The following PPP2R3B variants were observed in gnomAD, a reference collection of about 807,000 sequenced individuals.
PPP2R3B encodes protein phosphatase 2 regulatory subunit B''beta.
PPP2R3B carries 68 observed loss-of-function variants against 72.9 expected under a neutral mutation model. The ratio of observed to expected loss-of-function variants is 0.93; its 90% CI spans 0.77 to 1.14. The LOEUF (loss-of-function observed/expected upper bound fraction) is 1.14, where lower values mean the gene tolerates loss of function less well. Ranked by LOEUF, PPP2R3B falls within the 50% of genes most tolerant of loss-of-function variation. The pLI is 0.00. For synonymous variants in PPP2R3B, 466 were observed against 375.8 expected (o/e 1.24, Z -2.78); for missense variants, 1,018 against 842.0 (o/e 1.21, Z -2.59).
chrX:341,915 C>CAT lies in PPP2R3B; in HGVS notation c.1051_1052dup (p.Met351IlefsTer2), dbSNP rs2071087856. 6.2e-7 allele frequency: 1 copy of CAT among 1,612,614 alleles called. No homozygotes were observed. ...CTGCTCCTGAGAAGATCCTGTCTAT[C>CAT]ATCTTGGTAGAAAGGGCTGGAAAGG... On this transcript the variant is annotated frameshift_variant, in exon 8 of 13. Transcript: ENST00000390665. LOFTEE classifies it high-confidence loss of function.
At chrX:378,320 C>G (rs1370992407) in intron 1 of PPP2R3B, among the ~76,000 whole-genome samples, 14 of 152,330 alleles carry the variant, frequency 9.2e-5, no homozygotes, top group Admixed American at 9.1e-4. Context: ...TCATAAAAAT[C>G]TCTTCACTTT....
At chrX:370,951 G>A (rs1388761000) in intron 1 of PPP2R3B, among the ~76,000 whole-genome samples, 4 of 152,138 alleles carry the variant, frequency 2.6e-5, no homozygotes, top group African/African-American at 9.7e-5. Context: ...TGGGGACGCC[G>A]GACAGTGTCT....
intron 1 of PPP2R3B, among the ~76,000 whole-genome samples, chrX:382,664 G>A (rs2072152168): frequency 6.6e-6 from 1 of 152,102 alleles, no homozygotes; most frequent in African/African-American, 2.4e-5. Flanking sequence ...GAGGCTTCTT[G>A]CCTGATTTAC....
intron 1 of PPP2R3B, among the ~76,000 whole-genome samples, chrX:369,467 C>T (rs2071807252): frequency 6.6e-6 from 1 of 152,210 alleles, no homozygotes; most frequent in African/African-American, 2.4e-5. Context: ...ATACATGTGT[C>T]GCCCTTCCAG....
Position 334,337 on chromosome X carries a change from G to T in PPP2R3B, c.*30C>A. On this transcript the variant is annotated 3_prime_UTR_variant, in exon 13 of 13. Coordinates refer to ENST00000390665, the MANE Select transcript of PPP2R3B (RefSeq NM_013239.5). ...GGCCCGGTGGTGGCACGTGGGGAGC[G>T]GCCCCGCGGCGGCGTTCTCGCGGGC... The T allele has an allele frequency of 6.9e-7, 1 of 1,453,688 alleles. No homozygotes were observed. 90.0% of individuals were successfully genotyped at this position (1,453,688 alleles called of 1,614,324 possible).
At position 386,799 on chromosome X, in the gene PPP2R3B, G is replaced by A. The variant is rs564930134; in HGVS notation, c.-108C>T. On this transcript the variant is annotated 5_prime_UTR_variant, in exon 1 of 13. Coordinates refer to ENST00000390665, the MANE Select transcript of PPP2R3B (RefSeq NM_013239.5). The stretch of plus-strand genomic sequence containing the variant: ...GGTGATGCGAGCACGGCCCGCTGAG[G>A]GGGCGCGGCGCAGGGAACAGGGCCC... 3.0e-3 allele frequency: 1,902 copies of A among 624,980 alleles called. 24 individuals carry two copies. The highest frequency in any genetic ancestry group is 0.029 in the African/African-American group (1,495 of 51,160). The allele number at this position is 624,980 out of a possible 1,614,324, so 38.7% of individuals were successfully genotyped here. A position where few individuals can be genotyped will look rare whatever the true frequency, so the allele number is the denominator to read the frequency against.
chrX:340,896 G>A lies in PPP2R3B; in HGVS notation c.1220C>T (p.Ala407Val). 1.2e-6 allele frequency: 2 copies of A among 1,611,978 alleles called. No individual in the cohort carries two copies. Among genetic ancestry groups the A allele is most frequent in the Non-Finnish European group, 1.7e-6 (2 of 1,179,684 alleles). ...FRCMDLDGDG[A>V]LSMFELEYFY... ...GTACTCGAGCTCGAACATGGACAGG[G>A]CGCCGTCCCCGTCCAGGTCCATGCA... The change falls in exon 10 of 13, where the codon GCC becomes GTC. Residue 407 changes from alanine to valine, a missense_variant. By Grantham distance (64) the Ala-to-Val change is moderately conservative. Transcript: ENST00000390665.
At chrX:366,862 C>G (rs2071723944) in intron 1 of PPP2R3B, among the ~76,000 whole-genome samples, 1 of 145,368 alleles carries the variant, frequency 6.9e-6, no homozygotes, top group South Asian at 2.2e-4. Flanking sequence ...GACTCTGTCT[C>G]AAAACAAAAC....
chrX:358,892 C>T (rs2071488364), intron 2 of PPP2R3B, among the ~76,000 whole-genome samples: 2 of 57,658 alleles, frequency 3.5e-5, no homozygotes, highest in African/African-American at 6.9e-5. Context: ...GGCGCTGTGG[C>T]GGGGAAGCAC....
chrX:341,409 C>G lies in PPP2R3B; in HGVS notation c.1086-13G>C. ...CACTTTTCTGCCTCTAGATCGAAAGCCAGGATGGAGAGACGAAGATGCATG... is the reference window on the plus strand; with the variant it reads ...CACTTTTCTGCCTCTAGATCGAAAGGCAGGATGGAGAGACGAAGATGCATG... On this transcript the variant is annotated splice_polypyrimidine_tract_variant and intron_variant, in intron 8 of 12. Transcript: ENST00000390665. The G allele has an allele frequency of 6.2e-7, 1 of 1,611,882 alleles. No homozygotes were observed. The highest frequency in any genetic ancestry group is 8.5e-7 in the Non-Finnish European group (1 of 1,179,086).
At chrX:344,566 C>T (rs1381357820) in intron 7 of PPP2R3B, among the ~76,000 whole-genome samples, 1 of 152,230 alleles carries the variant, frequency 6.6e-6, no homozygotes, top group Admixed American at 6.5e-5. Context: ...GCTGGGGCCG[C>T]GCCGGGCCGG....
intron 2 of PPP2R3B, among the ~76,000 whole-genome samples, chrX:356,496 G>A (rs1414475084): frequency 2.0e-5 from 3 of 152,204 alleles, no homozygotes; most frequent in Admixed American, 6.5e-5. Flanking sequence ...GATTAGTGGA[G>A]TGAGCCACCA....
At chrX:375,317 G>A (rs1302060533) in intron 1 of PPP2R3B, among the ~76,000 whole-genome samples, 1 of 152,234 alleles carries the variant, frequency 6.6e-6, no homozygotes, top group East Asian at 1.9e-4. Context: ...CACGATGCGG[G>A]GCGCAAACTC....
Position 346,184 on chromosome X carries a change from G to C in PPP2R3B, c.869C>G (p.Ser290Cys), listed in dbSNP as rs777711940. 9.0e-6 allele frequency: 14 copies of C among 1,560,022 alleles called. No individual in the cohort carries two copies. In the South Asian group the frequency reaches 1.3e-4, roughly 14 times the overall value. The change falls in exon 6 of 13, where the codon TCC becomes TGC. Residue 290 changes from serine (S) to cysteine (C), a missense_variant. Ser to Cys is a moderately radical substitution (Grantham distance 112). Transcript: ENST00000390665. ...RITCAELRRS[S>C]FLQNVALLEE... ...GGGGCCGCTCCGCACCTGCAGGAAG[G>C]AGCTCCTCCGCAGCTCGGCGCAGGT...
intron 2 of PPP2R3B, among the ~76,000 whole-genome samples, chrX:355,162 C>T (rs2738398): frequency 0.29 from 43,763 of 152,070 alleles, 6,768 homozygotes; most frequent in East Asian, 0.39. Flanking sequence ...CTGAGTTAAA[C>T]TTGGTCAGAA....
chrX:374,787 T>C (rs2071953476), intron 1 of PPP2R3B, among the ~76,000 whole-genome samples: 1 of 152,090 alleles, frequency 6.6e-6, no homozygotes, highest in Non-Finnish European at 1.5e-5. Flanking sequence ...TGCACTGGGC[T>C]CTCCCGCTGC....
chrX:341,282 A>G (rs1249426060), intron 9 of PPP2R3B, 25 bp downstream of exon 9: 1 of 1,608,364 alleles, frequency 6.2e-7, no homozygotes, highest in South Asian at 1.1e-5. Flanking sequence ...CACTGGGACA[A>G]ACGCATGCCG....
intron 2 of PPP2R3B, among the ~76,000 whole-genome samples, chrX:359,643 T>TA (rs2071502418): frequency 6.6e-6 from 1 of 152,216 alleles, no homozygotes; most frequent in African/African-American, 2.4e-5. Context: ...CACACTGCCG[T>TA]ACAAGACAGG....
intron 1 of PPP2R3B, among the ~76,000 whole-genome samples, chrX:364,121 C>G (rs925971692): frequency 3.9e-5 from 6 of 152,258 alleles, no homozygotes; most frequent in Non-Finnish European, 8.8e-5. Flanking sequence ...CTCTCACAGC[C>G]TTGCAGAGCT....
Sources: gnomAD v4.1 joint callset for allele counts (sites outside exome capture counted in the v4.1 genomes callset) on GRCh38, gnomAD v4.1.1 for gene constraint, MANE v1.5 for transcripts, NCBI Gene and HGNC (gene_info 2026-07-23, HGNC 2026-07-21) for gene names.